Variants in FAT3 observed in about 807,000 individuals in gnomAD.
FAT3 encodes FAT atypical cadherin 3.
A neutral mutation model predicts 310.2 loss-of-function variants in FAT3; 95 were observed. The observed-to-expected ratio is 0.31, with a 90% CI of 0.26 to 0.36. FAT3 has a LOEUF of 0.36. Among genes scored for constraint, FAT3 ranks in the 10% least tolerant of loss-of-function variants. The probability of loss-of-function intolerance (pLI) is 1.00; values close to 1 mark genes in which losing one functional copy is unlikely to be tolerated. For synonymous variants in FAT3, 2,314 were observed against 2,192.9 expected (o/e 1.06, Z -1.54); for missense variants, 5,408 against 5,715.6 (o/e 0.95, Z 1.74).
intron 3 of FAT3, among the ~76,000 whole-genome samples, chr11:92,655,512 C>G (rs1248003747): frequency 6.6e-6 from 1 of 151,848 alleles, no homozygotes; most frequent in African/African-American, 2.4e-5. Context: ...ACATAAAACT[C>G]TCAGTAAAAT....
At chr11:92,252,753 G>A (rs1412493801) in intron 1 of FAT3, among the ~76,000 whole-genome samples, 3 of 152,098 alleles carry the variant, frequency 2.0e-5, no homozygotes, top group Admixed American at 2.0e-4. Context: ...AATCAGGGGA[G>A]CTCTAAAAGA....
chr11:92,532,681 A>G (rs1565390085), intron 3 of FAT3, among the ~76,000 whole-genome samples: 2 of 152,204 alleles, frequency 1.3e-5, no homozygotes, highest in East Asian at 1.9e-4. Flanking sequence ...CTCAGAGCCC[A>G]TTTTGAACAG....
At chr11:92,292,291 T>G (rs1459951561) in intron 1 of FAT3, among the ~76,000 whole-genome samples, 4 of 152,076 alleles carry the variant, frequency 2.6e-5, no homozygotes, top group Non-Finnish European at 4.4e-5. Context: ...GGCTTATCAT[T>G]ATTAGCCTTA....
chr11:92,801,182 T>A lies in FAT3; in HGVS notation c.8169T>A (p.Ile2723=). ...YSFTIAEDTA[I]GSTVDTLRIL... ...TTACCATTGCAGAAGATACAGCCAT[T>A]GGGAGTACAGTGGACACCCTGAGGA... The change falls in exon 10 of 28, where the codon ATT becomes ATA. Residue 2723 remains isoleucine, a synonymous_variant. Coordinates refer to ENST00000525166, the MANE Select transcript of FAT3 (RefSeq NM_001367949.2). The A allele has an allele frequency of 6.2e-7, 1 of 1,613,882 alleles. No homozygotes were observed. The highest frequency in any genetic ancestry group is 8.5e-7 in the Non-Finnish European group (1 of 1,179,862).
intron 22 of FAT3, among the ~76,000 whole-genome samples, chr11:92,876,434 A>G (rs896261746): frequency 1.3e-5 from 2 of 152,232 alleles, no homozygotes; most frequent in Non-Finnish European, 2.9e-5. Context: ...TCAAGCAAGC[A>G]TACCTCAGAC....
At chr11:92,665,062 G>A (rs953434191) in intron 3 of FAT3, among the ~76,000 whole-genome samples, 2 of 152,166 alleles carry the variant, frequency 1.3e-5, no homozygotes, top group Non-Finnish European at 2.9e-5. Context: ...CTGCACTCAC[G>A]TTCCTCCAAG....
chr11:92,307,873 A>T (rs1273138581), intron 1 of FAT3, among the ~76,000 whole-genome samples: 1 of 152,142 alleles, frequency 6.6e-6, no homozygotes, highest in Non-Finnish European at 1.5e-5. Context: ...ACTCTTTATA[A>T]CCTTTAGTAC....
chr11:92,606,944 A>C (rs1185682376), intron 3 of FAT3, among the ~76,000 whole-genome samples: 2 of 152,190 alleles, frequency 1.3e-5, no homozygotes, highest in South Asian at 2.1e-4. Flanking sequence ...CATTACCATG[A>C]CTCTGACATT....
chr11:92,528,303 C>G (rs1953942717), intron 3 of FAT3, among the ~76,000 whole-genome samples: 1 of 152,136 alleles, frequency 6.6e-6, no homozygotes, highest in Admixed American at 6.5e-5. Flanking sequence ...AATTCCAGGC[C>G]AAGCAGTTAA....
rs757283806 is a variant in FAT3, at chr11:92,809,856, C to G, written c.9261C>G (p.Thr3087=). ...TTATTTTCACAGGCGAGTTAAAAAC[C>G]TTGGCTCTGTTGGACCGGGAGAGGA... ...FLDPESGELK[T]LALLDRERIP... Residue 3087 remains threonine, a synonymous_variant, in exon 13 of 28, where the codon ACC becomes ACG. Transcript: ENST00000525166. The G allele has an allele frequency of 6.2e-7, 1 of 1,613,068 alleles. No individual in the cohort carries two copies. Among genetic ancestry groups the G allele is most frequent in the South Asian group, 1.1e-5 (1 of 90,990 alleles).
At chr11:92,581,719 T>C (rs958528954) in intron 3 of FAT3, among the ~76,000 whole-genome samples, 5 of 151,902 alleles carry the variant, frequency 3.3e-5, no homozygotes, top group African/African-American at 1.2e-4. Context: ...TACATACATA[T>C]ACACGTGTGT....
At chr11:92,445,340 G>A (rs1329608077) in intron 2 of FAT3, among the ~76,000 whole-genome samples, 1 of 152,106 alleles carries the variant, frequency 6.6e-6, no homozygotes, top group African/African-American at 2.4e-5. Flanking sequence ...GATCTCTGGG[G>A]ATGGGGTTTG....
At chr11:92,507,681 C>G (rs1188012747) in intron 2 of FAT3, among the ~76,000 whole-genome samples, 2 of 148,452 alleles carry the variant, frequency 1.3e-5, no homozygotes, top group Admixed American at 1.3e-4. Flanking sequence ...CACATATGCA[C>G]ACATGTGTAC....
At chr11:92,587,694 A>C (rs771212945) in intron 3 of FAT3, among the ~76,000 whole-genome samples, 8 of 151,930 alleles carry the variant, frequency 5.3e-5, no homozygotes, top group Admixed American at 2.6e-4. Flanking sequence ...TCTCATCCTC[A>C]GGGTGGTTTC....
At chr11:92,695,130 T>C (rs1439974144) in intron 3 of FAT3, among the ~76,000 whole-genome samples, 1 of 152,176 alleles carries the variant, frequency 6.6e-6, no homozygotes, top group Non-Finnish European at 1.5e-5. Context: ...CTGATCTAGA[T>C]GCTAGAGCAG....
At chr11:92,566,223 G>A (rs568857794) in intron 3 of FAT3, among the ~76,000 whole-genome samples, 55 of 152,236 alleles carry the variant, frequency 3.6e-4, no homozygotes, top group Non-Finnish European at 6.0e-4. Context: ...AAAATCACAA[G>A]CATTCTTATA....
At position 92,790,051 on chromosome 11, in the gene FAT3, A is replaced by G; in HGVS notation, c.4444A>G (p.Ile1482Val). The change falls in exon 8 of 28, where the codon ATT becomes GTT. Residue 1482 changes from isoleucine to valine, a missense_variant. Physicochemically the swap from Ile to Val is conservative, Grantham distance 29. Coordinates refer to ENST00000525166, the MANE Select transcript of FAT3 (RefSeq NM_001367949.2). ...GCTTCCAGACACGGAGATCCTGCAG[A>G]TTGAAGCCACAGATAGAGATGAGAA... ...DVLPDTEILQIEATDRDEKHK... is the reference protein window; with the variant it reads ...DVLPDTEILQVEATDRDEKHK... 6.2e-7 allele frequency: 1 copy of G among 1,613,884 alleles called. No individual in the cohort carries two copies. The highest frequency in any genetic ancestry group is 8.5e-7 in the Non-Finnish European group (1 of 1,179,772).
chr11:92,762,158 T>C lies in FAT3; in HGVS notation c.3972T>C (p.Tyr1324=), dbSNP rs781459817. ...SSRKQFTAGS[Y]DILTIKAVDN... ...GAAAGCAGTTTACAGCAGGCAGTTA[T>C]GACATCCTAACGGTAAGATCTTCCA... is the stretch of plus-strand genomic sequence containing the variant. The change falls in exon 5 of 28, where the codon TAT becomes TAC. Residue 1324 remains tyrosine (Y), a synonymous_variant. Transcript: ENST00000525166. The C allele has an allele frequency of 5.6e-6, 9 of 1,611,134 alleles. No homozygotes were observed. In the Admixed American group the frequency reaches 8.4e-5, roughly 15 times the overall value.
intron 4 of FAT3, among the ~76,000 whole-genome samples, chr11:92,737,038 C>A (rs1945368772): frequency 6.6e-6 from 1 of 151,962 alleles, no homozygotes; most frequent in African/African-American, 2.4e-5. Context: ...AATTTTTTTT[C>A]TCTTATACCT....
Sources: allele counts gnomAD v4.1 joint callset (sites outside exome capture counted in the v4.1 genomes callset), GRCh38; gene constraint gnomAD v4.1.1; transcripts MANE v1.5; gene names NCBI Gene and HGNC (gene_info 2026-07-23, HGNC 2026-07-21).